Variants in SOD2 observed in about 807,000 individuals in gnomAD.
SOD2 encodes the protein superoxide dismutase [Mn], mitochondrial.
In SOD2, 11 loss-of-function variants were observed where a neutral mutation model predicts 27.0. That is an observed-to-expected ratio of 0.41 (90% confidence interval 0.26 to 0.67). The LOEUF (loss-of-function observed/expected upper bound fraction) is 0.67, where lower values mean the gene tolerates loss of function less well. Among genes scored for constraint, SOD2 ranks in the 30% least tolerant of loss-of-function variants. SOD2 has a pLI of 0.34. For synonymous variants in SOD2, 105 were observed against 103.0 expected (o/e 1.02, Z -0.12); for missense variants, 250 against 274.5 (o/e 0.91, Z 0.63).
At chr6:159,738,975 T>C in intron 1 of SOD2, 1 of 1,600,118 alleles carries the variant, frequency 6.2e-7, no homozygotes, top group South Asian at 1.1e-5. Flanking sequence ...ATTCATATTG[T>C]AATTCTCTTT....
At chr6:159,723,400 C>G (rs1208516524) in intron 1 of SOD2, among the ~76,000 whole-genome samples, 1 of 152,188 alleles carries the variant, frequency 6.6e-6, no homozygotes, top group Non-Finnish European at 1.5e-5. Context: ...GTTTGTTCTC[C>G]TAACTACAGT....
intron 1 of SOD2, chr6:159,743,809 A>T: frequency 3.2e-6 from 5 of 1,585,228 alleles, no homozygotes; most frequent in Non-Finnish European, 4.3e-6. Flanking sequence ...ATTTCAAGTT[A>T]TATAAATGTC....
chr6:159,750,568 G>C (rs1779781106), intron 1 of SOD2, among the ~76,000 whole-genome samples: 1 of 152,056 alleles, frequency 6.6e-6, no homozygotes, highest in Non-Finnish European at 1.5e-5. Flanking sequence ...GTTATTTTAT[G>C]TATATTGTTT....
chr6:159,720,043 G>A (rs1392694769), intron 1 of SOD2, among the ~76,000 whole-genome samples: 1 of 141,220 alleles, frequency 7.1e-6, no homozygotes, highest in Admixed American at 7.1e-5. Context: ...TTTTTTTTTG[G>A]TGGGGGGGAC....
rs570332310 is a variant in SOD2 at position 159,674,278 on chromosome 6, G to C, written c.*8215C>G. 6.6e-6 allele frequency: 1 copy of C among 152,124 alleles called. No homozygotes were observed. The highest frequency in any genetic ancestry group is 1.5e-5 in the Non-Finnish European group (1 of 68,024). 9.4% of individuals were successfully genotyped at this position (152,124 alleles called of 1,614,324 possible). A position where few individuals can be genotyped will look rare whatever the true frequency, so the allele number is the denominator to read the frequency against. ...AGCATCATCCTGATACCAAAGCCTG[G>C]CAGAGACATAACAAAAAAAGAGAAC... On this transcript the variant is annotated 3_prime_UTR_variant, in exon 5 of 5. Transcript: ENST00000538183.
intron 1 of SOD2, chr6:159,755,251 A>G: frequency 1.2e-6 from 2 of 1,614,218 alleles, no homozygotes; most frequent in Non-Finnish European, 8.5e-7. Context: ...CAAACGGACC[A>G]AGTAATGGTA....
upstream of SOD2, among the ~76,000 whole-genome samples, chr6:159,728,323 G>A (rs1018578202): frequency 6.6e-6 from 1 of 152,032 alleles, no homozygotes; most frequent in Admixed American, 6.5e-5. Context: ...AAAAGCCCGA[G>A]TTCTTGTTTT....
intron 1 of SOD2, among the ~76,000 whole-genome samples, chr6:159,734,832 C>G (rs1302604914): frequency 2.0e-5 from 3 of 151,958 alleles, no homozygotes. Flanking sequence ...CAGGTTAGCT[C>G]TTCATGTCGT....
intron 1 of SOD2, among the ~76,000 whole-genome samples, chr6:159,699,213 G>A (rs1777483753): frequency 1.3e-5 from 2 of 152,266 alleles, no homozygotes; most frequent in South Asian, 4.1e-4. Context: ...TTGGCCTGCT[G>A]TCCCATCTCT....
At chr6:159,724,961 A>G (rs976934349) in intron 1 of SOD2, among the ~76,000 whole-genome samples, 2 of 152,030 alleles carry the variant, frequency 1.3e-5, no homozygotes, top group African/African-American at 4.8e-5. Flanking sequence ...AGAAAAAAAG[A>G]AAAGAAAAAG....
At chr6:159,727,691 T>C (rs1253333825), upstream of SOD2, 3 of 982,566 alleles carry the variant, frequency 3.1e-6, no homozygotes, top group Non-Finnish European at 3.6e-6. Context: ...CGGCGCGGCT[T>C]CTGCCTGGAG....
At chr6:159,732,817 G>A (rs557839275) in intron 1 of SOD2, among the ~76,000 whole-genome samples, 2 of 152,000 alleles carry the variant, frequency 1.3e-5, no homozygotes, top group Admixed American at 1.3e-4. Flanking sequence ...GAGACCGGGC[G>A]CAGGGGGAGG....
At chr6:159,693,569 C>T (rs1583023731), upstream of SOD2, among the ~76,000 whole-genome samples, 2 of 152,248 alleles carry the variant, frequency 1.3e-5, no homozygotes, top group East Asian at 3.8e-4. Flanking sequence ...AAGGCCCTGC[C>T]TCCGGCTCCG....
intron 1 of SOD2, chr6:159,742,084 T>TA (rs1272445934): frequency 6.3e-7 from 1 of 1,593,820 alleles, no homozygotes; most frequent in East Asian, 2.2e-5. Context: ...TTTTTTTTTA[T>TA]TAGATGGAAA....
At chr6:159,687,997 G>C in intron 3 of SOD2, 129 bp downstream of exon 3, 1 of 659,616 alleles carries the variant, frequency 1.5e-6, no homozygotes, top group East Asian at 2.7e-5. Context: ...GGCAACAAGA[G>C]CAAAACTCTT....
chr6:159,750,903 C>T (rs1354090150), intron 1 of SOD2, among the ~76,000 whole-genome samples: 2 of 152,220 alleles, frequency 1.3e-5, no homozygotes, highest in East Asian at 3.8e-4. Context: ...TGCACGCGCA[C>T]GCACGTGTGT....
At chr6:159,729,923 G>C (rs929444400), upstream of SOD2, among the ~76,000 whole-genome samples, 1 of 152,308 alleles carries the variant, frequency 6.6e-6, no homozygotes, top group African/African-American at 2.4e-5. Context: ...GATCTGGGAT[G>C]CTAGGCACCT....
Position 159,699,853 on chromosome 6 carries a change from A to G in SOD2, c.-115-6990T>C, listed in dbSNP as rs1212582380. ...CTCGGAGCAGCCAAAATAGGTACAC[A>G]GGAGGAGTGGCCTCGCATACCACCC... On this transcript the variant is annotated intron_variant, in intron 1 of 2. Transcript: ENST00000401980. Among the ~76,000 whole-genome samples the G allele has an allele frequency of 3.3e-5, 5 of 152,272 alleles. No individual in the cohort carries two copies. The Middle Eastern group carries it at 0.01, about 311-fold the overall frequency.
At chr6:159,714,157 T>C (rs1016320196) in intron 1 of SOD2, among the ~76,000 whole-genome samples, 6 of 152,216 alleles carry the variant, frequency 3.9e-5, no homozygotes, top group African/African-American at 1.4e-4. Flanking sequence ...CTCTAATCTC[T>C]GCTGCCATCT....
Sources: gnomAD v4.1 joint callset for allele counts (sites outside exome capture counted in the v4.1 genomes callset) on GRCh38, gnomAD v4.1.1 for gene constraint, MANE v1.5 for transcripts, NCBI Gene and HGNC (gene_info 2026-07-23, HGNC 2026-07-21) for gene names.